PHETA2: variants seen among roughly 807,000 people sequenced by gnomAD.
The protein encoded by PHETA2 is PH domain containing endocytic trafficking adaptor 2.
For missense variants in PHETA2, 321 were observed against 341.3 expected (o/e 0.94, Z 0.47); for synonymous variants, 133 against 142.9 (o/e 0.93, Z 0.50).
In PHETA2 at chr22:42,077,289, G is replaced by A. The variant is rs1602504623; in HGVS notation, c.-5G>A. On this transcript the variant is annotated 5_prime_UTR_variant, in exon 3 of 3. Transcript: ENST00000321753. The stretch of plus-strand genomic sequence containing the variant: ...CTCTCTTGCCTCACAGTTCCCGTGG[G>A]AGCCATGAAGCTGAACGAGAGGAGT... The A allele has an allele frequency of 6.6e-7, 1 of 1,519,594 alleles. No homozygotes were observed. The highest frequency in any genetic ancestry group is 8.8e-7 in the Non-Finnish European group (1 of 1,134,682). 94.1% of individuals were successfully genotyped at this position (1,519,594 alleles called of 1,614,324 possible).
rs1927418348 is a variant in PHETA2, at chr22:42,078,236, G to A, written c.*163G>A. 2.7e-6 allele frequency: 2 copies of A among 746,130 alleles called. No homozygotes were observed. The highest frequency in any genetic ancestry group is 4.2e-6 in the Non-Finnish European group (2 of 472,444). 46.2% of individuals were successfully genotyped at this position (746,130 alleles called of 1,614,324 possible). On this transcript the variant is annotated 3_prime_UTR_variant, in exon 3 of 3. Coordinates refer to ENST00000321753, the MANE Select transcript of PHETA2 (RefSeq NM_001002034.3). The stretch of plus-strand genomic sequence containing the variant: ...TCCACCCGTGTGTCTGGAAGGGACT[G>A]CGGGACCATTCCTTCCATCCTCTTT...
chr22:42,077,181 G>A, intron 2 of PHETA2, 99 bp from the exon 3 acceptor site: 2 of 1,152,888 alleles, frequency 1.7e-6, no homozygotes, highest in African/African-American at 1.6e-5. Flanking sequence ...AGGAGTCCCA[G>A]GGCTGGGGTC....
intron 2 of PHETA2, 70 bp from the exon 3 acceptor site, chr22:42,077,210 G>C: frequency 7.0e-7 from 1 of 1,438,304 alleles, no homozygotes; most frequent in Non-Finnish European, 9.2e-7. Flanking sequence ...CTCTGGAGCC[G>C]GTGCTGTTCC....
intron 2 of PHETA2, among the ~76,000 whole-genome samples, chr22:42,076,900 C>A (rs1297219293): frequency 1.3e-5 from 2 of 151,992 alleles, no homozygotes; most frequent in African/African-American, 2.4e-5. Context: ...TGAGAGGACC[C>A]CAGATGAGGG....
chr22:42,079,077 G>A lies in PHETA2; in HGVS notation c.*1004G>A, dbSNP rs1163037434. 3 of 167,352 alleles carry A rather than the reference G, an allele frequency of 1.8e-5. No individual in the cohort carries two copies. The Admixed American group carries it at 2.0e-4, about 11-fold the overall frequency. The allele number at this position is 167,352 out of a possible 1,614,324, so 10.4% of individuals were successfully genotyped here. ...CTTGCTACTCTTCCCAAAGTCGGGA[G>A]GCAAAGCGGCTGGGTCACCAGAGCC... On this transcript the variant is annotated 3_prime_UTR_variant, in exon 3 of 3. Coordinates refer to ENST00000321753, the MANE Select transcript of PHETA2 (RefSeq NM_001002034.3).
chr22:42,078,134 C>A lies in PHETA2; in HGVS notation c.*61C>A, dbSNP rs1807494. 8 of 1,456,224 alleles carry A rather than the reference C, an allele frequency of 5.5e-6. No homozygotes were observed. The highest frequency in any genetic ancestry group is 1.9e-4 in the Middle Eastern group (1 of 5,330). 90.2% of individuals were successfully genotyped at this position (1,456,224 alleles called of 1,614,324 possible). A position where few individuals can be genotyped will look rare whatever the true frequency, so the allele number is the denominator to read the frequency against. ...TCTTTTTCAGGAGTTAAATGTTTAC[C>A]CATTTCCAAGGTTGCGTTTTGGGAG... On this transcript the variant is annotated 3_prime_UTR_variant, in exon 3 of 3. Coordinates refer to ENST00000321753, the MANE Select transcript of PHETA2 (RefSeq NM_001002034.3).
rs1236622111 is a variant in PHETA2 at position 42,079,179 on chromosome 22, C to G, written c.*1106C>G. On this transcript the variant is annotated 3_prime_UTR_variant, in exon 3 of 3. Transcript: ENST00000321753. ...CCCTCCCAAACACATAAAACTTGCCCCTTCCTAGCCTCGGCTCCCCTCACT... is the reference window on the plus strand; with the variant it reads ...CCCTCCCAAACACATAAAACTTGCCGCTTCCTAGCCTCGGCTCCCCTCACT... The G allele has an allele frequency of 6.0e-6, 1 of 167,404 alleles. No individual in the cohort carries two copies. Among genetic ancestry groups the G allele is most frequent in the Non-Finnish European group, 1.5e-5 (1 of 68,300 alleles). 10.4% of individuals were successfully genotyped at this position (167,404 alleles called of 1,614,324 possible). A position where few individuals can be genotyped will look rare whatever the true frequency, so the allele number is the denominator to read the frequency against.
chr22:42,078,142 A>C lies in PHETA2; in HGVS notation c.*69A>C. ...AGGAGTTAAATGTTTACCCATTTCC[A>C]AGGTTGCGTTTTGGGAGGGGACATG... On this transcript the variant is annotated 3_prime_UTR_variant, in exon 3 of 3. Transcript: ENST00000321753. 2 of 1,451,406 alleles carry C rather than the reference A, an allele frequency of 1.4e-6. No homozygotes were observed. The highest frequency in any genetic ancestry group is 1.8e-6 in the Non-Finnish European group (2 of 1,098,896). The allele number at this position is 1,451,406 out of a possible 1,614,324, so 89.9% of individuals were successfully genotyped here.
At position 42,077,704 on chromosome 22, in the gene PHETA2, C is replaced by A. The variant is rs780344347; in HGVS notation, c.411C>A (p.Asp137Glu). The change falls in exon 3 of 3, where the codon GAC (aspartate) becomes GAA (glutamate). Residue 137 changes from aspartate (D) to glutamate (E), a missense_variant. Transcript: ENST00000321753. ...VVRELESQLQ[D>E]ARQSLALQRR... Reference sequence around the variant, plus strand: ...GCGAGTTGGAGAGCCAGTTGCAGGACGCACGCCAGAGCCTGGCTTTGCAAC... The same window carrying A: ...GCGAGTTGGAGAGCCAGTTGCAGGAAGCACGCCAGAGCCTGGCTTTGCAAC... The A allele has an allele frequency of 6.8e-6, 11 of 1,614,140 alleles. No individual in the cohort carries two copies. Among genetic ancestry groups the A allele is most frequent in the Non-Finnish European group, 9.3e-6 (11 of 1,180,042 alleles).
intron 2 of PHETA2, chr22:42,076,209 C>G (rs890426876): frequency 4.9e-6 from 1 of 202,174 alleles, no homozygotes. Flanking sequence ...TAGAGTGACA[C>G]CAAGTAGCCA....
At position 42,078,009 on chromosome 22, in the gene PHETA2, G is replaced by T; in HGVS notation, c.716G>T (p.Arg239Leu). The change falls in exon 3 of 3, where the codon CGG (arginine) becomes CTG (leucine). Residue 239 changes from arginine (R) to leucine (L), a missense_variant. Arg to Leu is a moderately radical substitution (Grantham distance 102). Coordinates refer to ENST00000321753, the MANE Select transcript of PHETA2 (RefSeq NM_001002034.3). ...DWYGQEIVEL[R>L]QCWQKRAQGS... ...TATGGCCAGGAGATCGTGGAGCTGCGGCAGTGTTGGCAGAAGAGGGCCCAG... is the reference window on the plus strand; with the variant it reads ...TATGGCCAGGAGATCGTGGAGCTGCTGCAGTGTTGGCAGAAGAGGGCCCAG... The T allele has an allele frequency of 6.2e-7, 1 of 1,610,772 alleles. No homozygotes were observed. The highest frequency in any genetic ancestry group is 8.5e-7 in the Non-Finnish European group (1 of 1,178,788).
At chr22:42,077,240 C>T in intron 2 of PHETA2, 40 bp from the exon 3 acceptor site, 3 of 1,503,638 alleles carry the variant, frequency 2.0e-6, no homozygotes, top group South Asian at 1.3e-5. Context: ...CACGGAACCA[C>T]CTCCCTCTCT....
In PHETA2 at chr22:42,074,287, C is replaced by G. The variant is rs935278753; in HGVS notation, c.-151C>G. On this transcript the variant is annotated 5_prime_UTR_variant, in exon 1 of 3. Coordinates refer to ENST00000321753, the MANE Select transcript of PHETA2 (RefSeq NM_001002034.3). ...CCACGTTGCAGCCCAGGCGGAGGCGCGGGATCTCGAGCTGGGATCGCCCTC... is the reference window on the plus strand; with the variant it reads ...CCACGTTGCAGCCCAGGCGGAGGCGGGGGATCTCGAGCTGGGATCGCCCTC... 1 of 152,280 alleles carries G rather than the reference C, an allele frequency of 6.6e-6. No homozygotes were observed. Among genetic ancestry groups the G allele is most frequent in the Admixed American group, 6.5e-5 (1 of 15,290 alleles). The allele number at this position is 152,280 out of a possible 1,614,324, so 9.4% of individuals were successfully genotyped here. A position where few individuals can be genotyped will look rare whatever the true frequency, so the allele number is the denominator to read the frequency against.
rs910293065 is a variant in PHETA2, at chr22:42,075,218, T to C, written c.-96-353T>C. Among the ~76,000 whole-genome samples, 1 of 152,214 alleles carries C rather than the reference T, an allele frequency of 6.6e-6. No homozygotes were observed. Among genetic ancestry groups the C allele is most frequent in the African/African-American group, 2.4e-5 (1 of 41,450 alleles). ...TCAGGTGACCTTAGGTCAGGCCACC[T>C]TGGTGGTCAGGGCCACCTTAGATGA... On this transcript the variant is annotated intron_variant, in intron 1 of 2. Coordinates refer to ENST00000321753, the MANE Select transcript of PHETA2 (RefSeq NM_001002034.3). This position sits in a 1 kb window ranked among gnomAD's most constrained non-coding sequence, Gnocchi z 4.8.
rs919523822 is a variant in PHETA2 at position 42,075,151 on chromosome 22, G to A, written c.-96-420G>A. 1.3e-5 allele frequency among the ~76,000 whole-genome samples: 2 copies of A among 152,118 alleles called. No homozygotes were observed. Among genetic ancestry groups the A allele is most frequent in the African/African-American group, 2.4e-5 (1 of 41,424 alleles). On this transcript the variant is annotated intron_variant, in intron 1 of 2. Transcript: ENST00000321753. The surrounding 1 kb of genome is among the most constrained non-coding windows in gnomAD (Gnocchi z 4.8). ...TGCTGTAAACACATATGACATCGTCGTGGGATGAAGGAAACAAACCAGAAA... is the reference window on the plus strand; with the variant it reads ...TGCTGTAAACACATATGACATCGTCATGGGATGAAGGAAACAAACCAGAAA...
In PHETA2 at chr22:42,078,175, T is replaced by C; in HGVS notation, c.*102T>C. The C allele has an allele frequency of 7.5e-7, 1 of 1,330,106 alleles. No homozygotes were observed. Among genetic ancestry groups the C allele is most frequent in the Non-Finnish European group, 1.0e-6 (1 of 992,680 alleles). The allele number at this position is 1,330,106 out of a possible 1,614,324, so 82.4% of individuals were successfully genotyped here. On this transcript the variant is annotated 3_prime_UTR_variant, in exon 3 of 3. Coordinates refer to ENST00000321753, the MANE Select transcript of PHETA2 (RefSeq NM_001002034.3). Reference sequence around the variant, plus strand: ...GTTTTGGGAGGGGACATGGGTTCTCTCCTTCCTGCTATTTAGGCATTCTCC... The same window carrying C: ...GTTTTGGGAGGGGACATGGGTTCTCCCCTTCCTGCTATTTAGGCATTCTCC...
Position 42,075,437 on chromosome 22 carries a change from T to A in PHETA2, c.-96-134T>A, listed in dbSNP as rs969875028. 6.6e-6 allele frequency: 1 copy of A among 151,588 alleles called. No individual in the cohort carries two copies. The highest frequency in any genetic ancestry group is 1.5e-5 in the Non-Finnish European group (1 of 67,988). 9.4% of individuals were successfully genotyped at this position (151,588 alleles called of 1,614,324 possible). A position where few individuals can be genotyped will look rare whatever the true frequency, so the allele number is the denominator to read the frequency against. ...AGCTGCTCAGGGGTTCCTGGCTGGG[T>A]GGATGGGTGGGGGGATTCTCAGGGG... is the stretch of plus-strand genomic sequence containing the variant. On this transcript the variant is annotated intron_variant, in intron 1 of 2. Coordinates refer to ENST00000321753, the MANE Select transcript of PHETA2 (RefSeq NM_001002034.3). The surrounding 1 kb of genome is among the most constrained non-coding windows in gnomAD (Gnocchi z 4.8).
rs766517929 is a variant in PHETA2, at chr22:42,077,794, G to C, written c.501G>C (p.Ala167=). 2.5e-6 allele frequency: 4 copies of C among 1,612,418 alleles called. No individual in the cohort carries two copies. The Admixed American group carries it at 5.0e-5, about 20-fold the overall frequency. ...CKPQAPNHRA[A]GLENGHCLSK... ...CCCAGGCTCCTAACCACCGAGCTGC[G>C]GGCCTGGAGAATGGCCACTGCCTCT... is the stretch of plus-strand genomic sequence containing the variant. Residue 167 remains alanine (A), a synonymous_variant, in exon 3 of 3, where the codon GCG becomes GCC. Coordinates refer to ENST00000321753, the MANE Select transcript of PHETA2 (RefSeq NM_001002034.3).
rs1277811087 is a variant in PHETA2, at chr22:42,075,329, G to A, written c.-96-242G>A. Reference sequence around the variant, plus strand: ...GAAGGGAAAAGCTAGGAACCATGAGGGCATGTGTAGCTCTGACCTGGACTC... The same window carrying A: ...GAAGGGAAAAGCTAGGAACCATGAGAGCATGTGTAGCTCTGACCTGGACTC... On this transcript the variant is annotated intron_variant, in intron 1 of 2. Coordinates refer to ENST00000321753, the MANE Select transcript of PHETA2 (RefSeq NM_001002034.3). The surrounding 1 kb of genome is among the most constrained non-coding windows in gnomAD (Gnocchi z 4.8). 6.6e-6 allele frequency among the ~76,000 whole-genome samples: 1 copy of A among 152,146 alleles called. No homozygotes were observed. The highest frequency in any genetic ancestry group is 2.4e-5 in the African/African-American group (1 of 41,412).
Sources: allele counts gnomAD v4.1 joint callset (sites outside exome capture counted in the v4.1 genomes callset), GRCh38; gene constraint gnomAD v4.1.1; non-coding constraint Gnocchi (gnomAD v3.1); transcripts MANE v1.5; gene names NCBI Gene and HGNC (gene_info 2026-07-23, HGNC 2026-07-21).